Variants in ZFYVE28 observed in about 807,000 individuals in gnomAD.
ZFYVE28 encodes the protein zinc finger FYVE-type containing 28.
ZFYVE28 carries 40 observed loss-of-function variants against 82.1 expected under a neutral mutation model. That is an observed-to-expected ratio of 0.49 (90% CI 0.38 to 0.63). The LOEUF (loss-of-function observed/expected upper bound fraction) is 0.63. Ranked by LOEUF, ZFYVE28 falls within the 30% of genes least tolerant of loss-of-function variation. ZFYVE28 has a pLI of 0.00. For synonymous variants in ZFYVE28, 612 were observed against 546.1 expected (o/e 1.12, Z -1.68); for missense variants, 1,321 against 1,242.1 (o/e 1.06, Z -0.96).
chr4:2,318,033 G>A (rs1718485746), intron 7 of ZFYVE28, among the ~76,000 whole-genome samples: 1 of 152,198 alleles, frequency 6.6e-6, no homozygotes, highest in Non-Finnish European at 1.5e-5. Flanking sequence ...TGGCAGGCGT[G>A]CTGCTTGAAT....
intron 1 of ZFYVE28, among the ~76,000 whole-genome samples, chr4:2,369,989 T>C (rs1727351744): frequency 6.6e-6 from 1 of 151,334 alleles, no homozygotes; most frequent in Non-Finnish European, 1.5e-5. Flanking sequence ...CAGGTGGGAT[T>C]ACAGGAGTGC....
Position 2,336,737 on chromosome 4 carries a change from G to T in ZFYVE28, c.611+670C>A, listed in dbSNP as rs529525513. On this transcript the variant is annotated intron_variant, in intron 5 of 12. Coordinates refer to ENST00000290974, the MANE Select transcript of ZFYVE28 (RefSeq NM_020972.3). ...GAGCTAAGGAGTAAGGAGGTGAGGA[G>T]TAAGGAGGTGAGGAATGATGAGGTG... Among the ~76,000 whole-genome samples, 282 of 150,916 alleles carry T rather than the reference G, an allele frequency of 1.9e-3. 1 individual carries two copies. The highest frequency in any genetic ancestry group is 6.4e-3 in the African/African-American group (264 of 41,102).
At chr4:2,340,535 C>T (rs542598670) in intron 3 of ZFYVE28, among the ~76,000 whole-genome samples, 41 of 152,310 alleles carry the variant, frequency 2.7e-4, no homozygotes, top group South Asian at 8.3e-4. Flanking sequence ...AATGAGACGG[C>T]GCTGATCGCC....
intron 7 of ZFYVE28, among the ~76,000 whole-genome samples, chr4:2,317,203 G>C (rs992514984): frequency 6.6e-6 from 1 of 150,888 alleles, no homozygotes; most frequent in African/African-American, 2.4e-5. Context: ...GGCTGGGCTG[G>C]TCTCAAACTC....
chr4:2,375,635 G>C (rs777635365), intron 1 of ZFYVE28, among the ~76,000 whole-genome samples: 2 of 117,028 alleles, frequency 1.7e-5, no homozygotes, highest in South Asian at 3.3e-4. Flanking sequence ...CAGGAGGAGA[G>C]GAAACGACGT....
intron 1 of ZFYVE28, among the ~76,000 whole-genome samples, chr4:2,369,845 C>T (rs149043116): frequency 0.052 from 1,727 of 33,526 alleles, 16 homozygotes; most frequent in Middle Eastern, 0.12. Flanking sequence ...TTTTTTTTTT[C>T]TTTTCTTTTT....
intron 7 of ZFYVE28, among the ~76,000 whole-genome samples, chr4:2,306,014 T>C (rs540223528): frequency 6.6e-6 from 1 of 152,276 alleles, no homozygotes; most frequent in South Asian, 2.1e-4. Context: ...TAGCCTGCAG[T>C]TGGGTGAGGC....
At position 2,332,224 on chromosome 4, in the gene ZFYVE28, C is replaced by G. The variant is rs539504442; in HGVS notation, c.701+3481G>C. Among the ~76,000 whole-genome samples the G allele has an allele frequency of 2.0e-5, 3 of 152,230 alleles. No individual in the cohort carries two copies. The highest frequency in any genetic ancestry group is 2.1e-4 in the South Asian group (1 of 4,822). On this transcript the variant is annotated intron_variant, in intron 6 of 12. Transcript: ENST00000290974. The surrounding 1 kb of genome is among the most constrained non-coding windows in gnomAD (Gnocchi z 4.7). ...TGCTCTCAGTGTTCCCTGGGGGTCA[C>G]CTGGGGGGTCCCAGGATGCCCACTT...
intron 7 of ZFYVE28, among the ~76,000 whole-genome samples, chr4:2,317,240 G>A (rs1261254039): frequency 2.6e-5 from 4 of 152,064 alleles, no homozygotes; most frequent in Admixed American, 2.0e-4. Flanking sequence ...CGCCCACCTT[G>A]GCCTCCCAAA....
intron 7 of ZFYVE28, among the ~76,000 whole-genome samples, chr4:2,310,040 CT>C (rs561831393): frequency 4.0e-5 from 6 of 148,918 alleles, no homozygotes; most frequent in Admixed American, 1.3e-4. Context: ...GAATACATTT[CT>C]TTTTTTTTTA....
intron 1 of ZFYVE28, among the ~76,000 whole-genome samples, chr4:2,360,292 A>G (rs1051648260): frequency 6.6e-6 from 1 of 151,990 alleles, no homozygotes; most frequent in African/African-American, 2.4e-5. Flanking sequence ...AGTGCCCACA[A>G]GCAAATACCC....
rs914836644 is a variant in ZFYVE28 at position 2,372,065 on chromosome 4, C to T, written c.40-17992G>A. On this transcript the variant is annotated intron_variant, in intron 1 of 12. Transcript: ENST00000290974. This position sits in a 1 kb window ranked among gnomAD's most constrained non-coding sequence, Gnocchi z 5.2. Reference sequence around the variant, plus strand: ...AGCCTCAGGTCAGCCCAGTGGAAGCCTGGAGGGGCGTGCAGCGTGTGGCCG... The same window carrying T: ...AGCCTCAGGTCAGCCCAGTGGAAGCTTGGAGGGGCGTGCAGCGTGTGGCCG... Among the ~76,000 whole-genome samples, 1 of 152,176 alleles carries T rather than the reference C, an allele frequency of 6.6e-6. No individual in the cohort carries two copies. The highest frequency in any genetic ancestry group is 1.5e-5 in the Non-Finnish European group (1 of 68,016).
chr4:2,297,189 G>A (rs1714716710), intron 8 of ZFYVE28, among the ~76,000 whole-genome samples: 1 of 152,262 alleles, frequency 6.6e-6, no homozygotes, highest in Non-Finnish European at 1.5e-5. Flanking sequence ...GCCCTCCTCT[G>A]GGCTGCGCAC....
rs201176986 is a variant in ZFYVE28 at position 2,337,516 on chromosome 4, T to C, written c.522-20A>G. The C allele has an allele frequency of 4.3e-4, 673 of 1,583,154 alleles. No individual in the cohort carries two copies. The African/African-American group carries it at 7.9e-3, about 19-fold the overall frequency. On this transcript the variant is annotated intron_variant, in intron 4 of 12. Coordinates refer to ENST00000290974, the MANE Select transcript of ZFYVE28 (RefSeq NM_020972.3). ...ACGTAGCTGCAAACACATGGAGACC[T>C]GTGAGGCCGCACCTGGGCTGTGGCG...
chr4:2,341,221 G>C lies in ZFYVE28; in HGVS notation c.318+257C>G. 1 of 560,876 alleles carries C rather than the reference G, an allele frequency of 1.8e-6. No individual in the cohort carries two copies. The highest frequency in any genetic ancestry group is 3.2e-6 in the Non-Finnish European group (1 of 315,932). 34.7% of individuals were successfully genotyped at this position (560,876 alleles called of 1,614,324 possible). A position where few individuals can be genotyped will look rare whatever the true frequency, so the allele number is the denominator to read the frequency against. Reference sequence around the variant, plus strand: ...TTAGGTCCTGGCTGTCTGGGGGCCTGTGAACCTCATAAAAACCACATGGGA... The same window carrying C: ...TTAGGTCCTGGCTGTCTGGGGGCCTCTGAACCTCATAAAAACCACATGGGA... On this transcript the variant is annotated intron_variant, in intron 3 of 12. Transcript: ENST00000290974. The surrounding 1 kb of genome is among the most constrained non-coding windows in gnomAD (Gnocchi z 4.5).
intron 1 of ZFYVE28, among the ~76,000 whole-genome samples, chr4:2,373,805 AT>A (rs2034162237): frequency 6.6e-6 from 1 of 152,222 alleles, no homozygotes; most frequent in Non-Finnish European, 1.5e-5. Flanking sequence ...GTTTTAGTAT[AT>A]GATAAAACAG....
Position 2,297,012 on chromosome 4 carries a change from C to T in ZFYVE28, c.2051+7277G>A, listed in dbSNP as rs1429165636. Among the ~76,000 whole-genome samples, 4 of 152,342 alleles carry T rather than the reference C, an allele frequency of 2.6e-5. No individual in the cohort carries two copies. In the East Asian group the frequency reaches 5.8e-4, roughly 22 times the overall value. ...CTTCCGGGCCACCGAGGCCACAGCACCGCATGGCCCTTGGTTGAGGCCCCA... is the reference window on the plus strand; with the variant it reads ...CTTCCGGGCCACCGAGGCCACAGCATCGCATGGCCCTTGGTTGAGGCCCCA... On this transcript the variant is annotated intron_variant, in intron 8 of 12. Coordinates refer to ENST00000290974, the MANE Select transcript of ZFYVE28 (RefSeq NM_020972.3).
At chr4:2,383,516 A>G (rs1728940523) in intron 1 of ZFYVE28, among the ~76,000 whole-genome samples, 1 of 152,230 alleles carries the variant, frequency 6.6e-6, no homozygotes, top group Admixed American at 6.5e-5. Context: ...CAGCAGCGTG[A>G]AAACAGACTA....
chr4:2,273,600 C>G (rs17132390), intron 9 of ZFYVE28, among the ~76,000 whole-genome samples: 5,625 of 152,296 alleles, frequency 0.037, 159 homozygotes, highest in South Asian at 0.078. Context: ...GGCCAGGCTA[C>G]GCGCTGAGGG....
Sources: allele counts gnomAD v4.1 joint callset (sites outside exome capture counted in the v4.1 genomes callset), GRCh38; gene constraint gnomAD v4.1.1; non-coding constraint Gnocchi (gnomAD v3.1); transcripts MANE v1.5; gene names NCBI Gene and HGNC (gene_info 2026-07-23, HGNC 2026-07-21).